The following STK32B variants were observed in gnomAD, a reference collection of about 807,000 sequenced individuals.
STK32B encodes serine/threonine kinase 32B, also known as serine/threonine-protein kinase 32B.
Under a neutral mutation model 52.6 loss-of-function variants are expected in STK32B, and 43 were observed. The ratio of observed to expected loss-of-function variants is 0.82; its 90% CI spans 0.64 to 1.05. The LOEUF is 1.05. STK32B is among the 50% of genes least tolerant of loss of function. The pLI is 0.00. For missense variants in STK32B, 621 were observed against 534.6 expected (o/e 1.16, Z -1.59); for synonymous variants, 238 against 204.3 (o/e 1.17, Z -1.41).
At chr4:5,321,411 A>C (rs1731480644) in intron 3 of STK32B, among the ~76,000 whole-genome samples, 2 of 152,186 alleles carry the variant, frequency 1.3e-5, no homozygotes, top group Admixed American at 1.3e-4. Flanking sequence ...AATTTGGCCC[A>C]AGAAGAGCAG....
At chr4:5,233,459 G>A (rs1186727930) in intron 3 of STK32B, among the ~76,000 whole-genome samples, 2 of 152,114 alleles carry the variant, frequency 1.3e-5, no homozygotes, top group Admixed American at 6.5e-5. Context: ...CTGGAATATA[G>A]CAGAGTGCTT....
chr4:5,149,325 C>A (rs1437241107), intron 2 of STK32B, among the ~76,000 whole-genome samples: 1 of 151,768 alleles, frequency 6.6e-6, no homozygotes, highest in South Asian at 2.1e-4. Context: ...TTGTTTAGTT[C>A]ATGCACAGCT....
chr4:5,135,945 C>T (rs1716049608), intron 1 of STK32B, among the ~76,000 whole-genome samples: 1 of 152,130 alleles, frequency 6.6e-6, no homozygotes, highest in African/African-American at 2.4e-5. Flanking sequence ...ATCGGTAGTT[C>T]CCAAAGTGCA....
chr4:5,482,195 T>C (rs960581853), intron 11 of STK32B, among the ~76,000 whole-genome samples: 1 of 152,228 alleles, frequency 6.6e-6, no homozygotes, highest in Non-Finnish European at 1.5e-5. Context: ...ATTTTCACGA[T>C]ATTGATTCTT....
intron 5 of STK32B, among the ~76,000 whole-genome samples, chr4:5,411,283 C>A (rs1183437821): frequency 6.6e-6 from 1 of 152,100 alleles, no homozygotes; most frequent in Non-Finnish European, 1.5e-5. Context: ...GATCTGCCCA[C>A]CTCGGCCTCC....
chr4:5,180,380 T>A (rs1306997115), intron 3 of STK32B, among the ~76,000 whole-genome samples: 1 of 152,224 alleles, frequency 6.6e-6, no homozygotes, highest in East Asian at 1.9e-4. Context: ...CCTACCCTTA[T>A]CCTACCATTT....
At chr4:5,428,935 A>T (rs1032604535) in intron 6 of STK32B, among the ~76,000 whole-genome samples, 1 of 152,218 alleles carries the variant, frequency 6.6e-6, no homozygotes, top group African/African-American at 2.4e-5. Flanking sequence ...TTTACATGAC[A>T]TATCCAGTGG....
At position 5,245,635 on chromosome 4, in the gene STK32B, TG is replaced by T. The variant is rs548407717; in HGVS notation, c.260+77186del. Among the ~76,000 whole-genome samples, 146 of 152,302 alleles carry T rather than the reference TG, an allele frequency of 9.6e-4. 1 individual carries two copies. The highest frequency in any genetic ancestry group is 2.8e-3 in the African/African-American group (115 of 41,558). On this transcript the variant is annotated intron_variant, in intron 3 of 11. Transcript: ENST00000282908. ...TCATTATGATGTTAGCTGGTTATTT[TG>T]CTCGTTAGTTGATGCAGTTTCTTCC... is the stretch of plus-strand genomic sequence containing the variant.
chr4:5,328,830 C>A (rs80056246), intron 3 of STK32B, among the ~76,000 whole-genome samples: 1 of 152,014 alleles, frequency 6.6e-6, no homozygotes. Context: ...TGCTTCCCAG[C>A]GAGGCTGTAT....
intron 2 of STK32B, among the ~76,000 whole-genome samples, chr4:5,159,541 GTATATATATGAATA>G (rs1349803892): frequency 1.8e-4 from 20 of 109,534 alleles, no homozygotes; most frequent in African/African-American, 6.9e-4. Flanking sequence ...ATGTATATAT[GTATATATATGAATA>G]TATATGAATG....
chr4:5,246,986 G>C (rs556199781), intron 3 of STK32B, among the ~76,000 whole-genome samples: 3 of 152,168 alleles, frequency 2.0e-5, no homozygotes, highest in African/African-American at 2.4e-5. Context: ...CGCCCCTACT[G>C]GGGGGTACCT....
chr4:5,130,436 A>G (rs1715689082), intron 1 of STK32B, among the ~76,000 whole-genome samples: 1 of 152,024 alleles, frequency 6.6e-6, no homozygotes, highest in Non-Finnish European at 1.5e-5. Flanking sequence ...CATGCTACTG[A>G]AGAATCCAAA....
At chr4:5,425,984 G>A (rs914023766) in intron 6 of STK32B, among the ~76,000 whole-genome samples, 11 of 152,158 alleles carry the variant, frequency 7.2e-5, no homozygotes, top group African/African-American at 2.2e-4. Context: ...ATACATACAC[G>A]TGTTTATCTG....
chr4:5,091,363 G>T (rs1440379106), intron 1 of STK32B, among the ~76,000 whole-genome samples: 1 of 151,954 alleles, frequency 6.6e-6, no homozygotes, highest in Non-Finnish European at 1.5e-5. Context: ...AATGCATAAA[G>T]AACTCTAAAA....
chr4:5,291,122 A>AT (rs1196110031), intron 3 of STK32B, among the ~76,000 whole-genome samples: 1 of 152,046 alleles, frequency 6.6e-6, no homozygotes, highest in Non-Finnish European at 1.5e-5. Context: ...AAGTTTTGTC[A>AT]TTTTTTGAAG....
intron 3 of STK32B, among the ~76,000 whole-genome samples, chr4:5,189,757 A>G (rs1721034943): frequency 1.3e-5 from 2 of 152,116 alleles, no homozygotes; most frequent in African/African-American, 4.8e-5. Flanking sequence ...TGGCTGTGCC[A>G]TTTTGGATTC....
chr4:5,235,256 G>A (rs940660523), intron 3 of STK32B, among the ~76,000 whole-genome samples: 3 of 152,224 alleles, frequency 2.0e-5, no homozygotes, highest in African/African-American at 7.2e-5. Flanking sequence ...CACTGCACAT[G>A]TGTGCACACA....
chr4:5,101,618 A>G (rs1433109670), intron 1 of STK32B, among the ~76,000 whole-genome samples: 1 of 152,188 alleles, frequency 6.6e-6, no homozygotes, highest in African/African-American at 2.4e-5. Flanking sequence ...CCCCAATTAC[A>G]GGCTATAATG....
chr4:5,087,378 G>C (rs1301156948), intron 1 of STK32B, among the ~76,000 whole-genome samples: 1 of 151,896 alleles, frequency 6.6e-6, no homozygotes, highest in Non-Finnish European at 1.5e-5. Flanking sequence ...GGCAGTAATA[G>C]AGGAATTGAC....
Sources: allele counts gnomAD v4.1 joint callset (sites outside exome capture counted in the v4.1 genomes callset), GRCh38; gene constraint gnomAD v4.1.1; transcripts MANE v1.5; gene names NCBI Gene and HGNC (gene_info 2026-07-23, HGNC 2026-07-21).